Variants in HTR2C observed in about 807,000 individuals in gnomAD.
HTR2C encodes 5-hydroxytryptamine receptor 2C.
HTR2C carries 5 observed loss-of-function variants against 21.0 expected under a neutral mutation model. The ratio of observed to expected loss-of-function variants is 0.24; its 90% CI spans 0.12 to 0.50. HTR2C has a LOEUF of 0.50. HTR2C is among the 20% of genes least tolerant of loss of function. The pLI, the probability that HTR2C is intolerant of heterozygous loss-of-function variation, is 0.98. For synonymous variants in HTR2C, 150 were observed against 145.3 expected (o/e 1.03, Z -0.23); for missense variants, 271 against 371.2 (o/e 0.73, Z 2.22).
At chrX:114,806,075 C>T (rs200647086) in intron 4 of HTR2C, among the ~76,000 whole-genome samples, 26 of 17,284 alleles carry the variant, frequency 1.5e-3, no homozygotes, top group South Asian at 3.9e-3. Flanking sequence ...ACCATATATA[C>T]ACCATATATA....
intron 4 of HTR2C, among the ~76,000 whole-genome samples, chrX:114,751,936 T>C (rs1404988739): frequency 9.0e-6 from 1 of 111,496 alleles, no homozygotes; most frequent in Non-Finnish European, 1.9e-5. Flanking sequence ...TTCATTAAAA[T>C]AGAAAACAAA....
At chrX:114,616,779 T>C (rs1928966004) in intron 2 of HTR2C, among the ~76,000 whole-genome samples, 1 of 111,874 alleles carries the variant, frequency 8.9e-6, no homozygotes, top group Non-Finnish European at 1.9e-5. Context: ...AAATAATCAG[T>C]TGGACAACTG....
intron 1 of HTR2C, among the ~76,000 whole-genome samples, chrX:114,612,999 C>T (rs1003617183): frequency 1.8e-5 from 2 of 109,520 alleles, no homozygotes; most frequent in Admixed American, 9.7e-5. Flanking sequence ...GTGCAGCGGC[C>T]GATCTCGGCT....
intron 4 of HTR2C, among the ~76,000 whole-genome samples, chrX:114,841,310 G>C (rs1195148553): frequency 8.9e-6 from 1 of 111,944 alleles, no homozygotes; most frequent in Non-Finnish European, 1.9e-5. Flanking sequence ...TTTTTTGCCT[G>C]ATTCAGTTGC....
At position 114,650,110 on chromosome X, in the gene HTR2C, A is replaced by C. The variant is rs1556408220; in HGVS notation, c.-80+36229A>C. 7.1e-5 allele frequency among the ~76,000 whole-genome samples: 8 copies of C among 111,903 alleles called. No homozygotes were observed. In the Admixed American group the frequency reaches 7.6e-4, roughly 11 times the overall value. ...GAATGAACACAAAGTGGATAGCATA[A>C]ATCTCTAATTTGACTACATTTAATG... On this transcript the variant is annotated intron_variant, in intron 2 of 5. Coordinates refer to ENST00000276198, the MANE Select transcript of HTR2C (RefSeq NM_000868.4).
chrX:114,903,085 A>G (rs2082413843), intron 5 of HTR2C, among the ~76,000 whole-genome samples: 1 of 111,973 alleles, frequency 8.9e-6, no homozygotes, highest in Non-Finnish European at 1.9e-5. Context: ...TAACAGTCTC[A>G]GACACCCCCC....
At chrX:114,805,467 C>A (rs1556448402) in intron 4 of HTR2C, among the ~76,000 whole-genome samples, 1 of 72,852 alleles carries the variant, frequency 1.4e-5, no homozygotes, top group Non-Finnish European at 2.6e-5. Context: ...GATTTTATTT[C>A]TTTTAAATTT....
chrX:114,811,995 T>C (rs2070536338), intron 4 of HTR2C, among the ~76,000 whole-genome samples: 1 of 111,457 alleles, frequency 9.0e-6, no homozygotes, highest in Non-Finnish European at 1.9e-5. Context: ...GTTTGTTACA[T>C]AGGTAAACAT....
chrX:114,906,636 G>A lies in HTR2C; in HGVS notation c.598G>A (p.Val200Met), dbSNP rs782809944. 8.3e-7 allele frequency: 1 copy of A among 1,210,069 alleles called. No individual in the cohort carries two copies. Among genetic ancestry groups the A allele is most frequent in the Non-Finnish European group, 1.1e-6 (1 of 894,546 alleles). ...PVIGLRDEEK[V>M]FVNNTTCVLN... Reference sequence around the variant, plus strand: ...GATTGGACTGAGGGACGAAGAAAAGGTGTTCGTGAACAACACGACGTGCGT... The same window carrying A: ...GATTGGACTGAGGGACGAAGAAAAGATGTTCGTGAACAACACGACGTGCGT... The change falls in exon 6 of 6, where the codon GTG (valine) becomes ATG (methionine). Residue 200 changes from valine (V) to methionine (M), a missense_variant. By Grantham distance (21) the Val-to-Met change is conservative. Transcript: ENST00000276198.
intron 4 of HTR2C, among the ~76,000 whole-genome samples, chrX:114,809,792 T>TACA (rs1311682094): frequency 1.8e-5 from 2 of 111,120 alleles, no homozygotes; most frequent in Non-Finnish European, 3.8e-5. Flanking sequence ...TTACCCAAGC[T>TACA]ACAAGACAAA....
intron 2 of HTR2C, among the ~76,000 whole-genome samples, chrX:114,640,509 C>T (rs1930056921): frequency 8.9e-6 from 1 of 112,031 alleles, no homozygotes; most frequent in African/African-American, 3.2e-5. Context: ...TCTTATAAGA[C>T]TCAAATCTCA....
chrX:114,733,903 A>G (rs781981980), intron 4 of HTR2C, among the ~76,000 whole-genome samples: 2 of 111,251 alleles, frequency 1.8e-5, no homozygotes, highest in South Asian at 7.6e-4. Context: ...GAATAGAAAG[A>G]AGGCATTTGA....
At chrX:114,855,067 T>C (rs2070948350) in intron 5 of HTR2C, among the ~76,000 whole-genome samples, 1 of 111,827 alleles carries the variant, frequency 8.9e-6, no homozygotes, top group Admixed American at 9.5e-5. Flanking sequence ...CTCATCTCTG[T>C]TTTTTTCATC....
intron 3 of HTR2C, among the ~76,000 whole-genome samples, chrX:114,727,907 G>A (rs2069498638): frequency 9.0e-6 from 1 of 111,566 alleles, no homozygotes; most frequent in Non-Finnish European, 1.9e-5. Flanking sequence ...TGATAAAGAA[G>A]GGAAAAGAAG....
chrX:114,681,240 G>A (rs1234226914), intron 2 of HTR2C, among the ~76,000 whole-genome samples: 1 of 111,152 alleles, frequency 9.0e-6, no homozygotes, highest in African/African-American at 3.3e-5. Context: ...GGAAATTGAG[G>A]ACAGTTGGTC....
At position 114,757,317 on chromosome X, in the gene HTR2C, AC is replaced by A. The variant is rs2069822841; in HGVS notation, c.349+25712del. On this transcript the variant is annotated intron_variant, in intron 4 of 5. Coordinates refer to ENST00000276198, the MANE Select transcript of HTR2C (RefSeq NM_000868.4). The stretch of plus-strand genomic sequence containing the variant: ...ATAGTCCATAGACTGTCACAGTACC[AC>A]CAACTCCAAATTTATATTTCAATCA... 4.5e-5 allele frequency among the ~76,000 whole-genome samples: 5 copies of A among 111,625 alleles called. No homozygotes were observed. The South Asian group carries it at 1.9e-3, about 41-fold the overall frequency.
At position 114,645,785 on chromosome X, in the gene HTR2C, A is replaced by G. The variant is rs1376866634; in HGVS notation, c.-80+31904A>G. 8.0e-5 allele frequency among the ~76,000 whole-genome samples: 9 copies of G among 112,121 alleles called. No homozygotes were observed. In the South Asian group the frequency reaches 2.2e-3, roughly 27 times the overall value. On this transcript the variant is annotated intron_variant, in intron 2 of 5. Transcript: ENST00000276198. The stretch of plus-strand genomic sequence containing the variant: ...ACATTTTTATGAAAAAAGATAAGAT[A>G]TGGACCTTTTCTGAATGATCTTTAT...
At chrX:114,638,574 T>A (rs1243772333) in intron 2 of HTR2C, among the ~76,000 whole-genome samples, 2 of 107,369 alleles carry the variant, frequency 1.9e-5, no homozygotes, top group African/African-American at 6.7e-5. Context: ...GTGCACATTG[T>A]GCAGGTTAGT....
chrX:114,762,599 C>G (rs1448508426), intron 4 of HTR2C, among the ~76,000 whole-genome samples: 1 of 111,622 alleles, frequency 9.0e-6, no homozygotes, highest in African/African-American at 3.3e-5. Context: ...ATATTAAGCC[C>G]TAGGGTATTG....
Sources: allele counts gnomAD v4.1 joint callset (sites outside exome capture counted in the v4.1 genomes callset), GRCh38; gene constraint gnomAD v4.1.1; transcripts MANE v1.5; gene names NCBI Gene and HGNC (gene_info 2026-07-23, HGNC 2026-07-21).